The following FAM241A variants were observed in gnomAD, a reference collection of about 807,000 sequenced individuals.
FAM241A encodes the protein uncharacterized protein FAM241A.
FAM241A carries 7 observed loss-of-function variants against 12.2 expected under a neutral mutation model. The ratio of observed to expected loss-of-function variants is 0.58; its 90% confidence interval spans 0.33 to 1.08. The LOEUF is 1.08. Among genes scored for constraint, FAM241A ranks in the 50% least tolerant of loss-of-function variants. The probability of loss-of-function intolerance (pLI) is 0.04; values close to 1 mark genes in which losing one functional copy is unlikely to be tolerated. For missense variants in FAM241A, 161 were observed against 169.7 expected, an observed-to-expected ratio of 0.95 and a Z score of 0.29; for synonymous variants, 74 against 68.2, an observed-to-expected ratio of 1.08 and a Z score of -0.42.
rs1724222386 is a variant in FAM241A at position 112,194,231 on chromosome 4, G to T, written c.*7293G>T. 1 of 148,112 alleles carries T rather than the reference G, an allele frequency of 6.8e-6. No homozygotes were observed. The highest frequency in any genetic ancestry group is 2.5e-5 in the African/African-American group (1 of 40,170). The allele number at this position is 148,112 out of a possible 1,614,324, so 9.2% of individuals were successfully genotyped here. On this transcript the variant is annotated 3_prime_UTR_variant, in exon 2 of 2. Coordinates refer to ENST00000309733, the MANE Select transcript of FAM241A (RefSeq NM_152400.3). ...GAGACTTTGCTGAAGTTGCTTATCA[G>T]CTTAAGGAGATTTTGGGCTGAGACA...
At chr4:112,166,859 A>T (rs1233552632) in intron 1 of FAM241A, among the ~76,000 whole-genome samples, 2 of 151,772 alleles carry the variant, frequency 1.3e-5, no homozygotes, top group East Asian at 3.9e-4. Context: ...TCACGCCTGT[A>T]ATCCCAGCAC....
intron 1 of FAM241A, among the ~76,000 whole-genome samples, chr4:112,174,853 C>T (rs143868261): frequency 2.0e-5 from 3 of 152,316 alleles, no homozygotes; most frequent in Non-Finnish European, 4.4e-5. Context: ...CTGACTGAAA[C>T]CAATTGAACA....
At chr4:112,172,982 G>C (rs1340901197) in intron 1 of FAM241A, among the ~76,000 whole-genome samples, 3 of 152,000 alleles carry the variant, frequency 2.0e-5, no homozygotes, top group Non-Finnish European at 4.4e-5. Context: ...CTGCCTCCTG[G>C]GCTGAAGCTA....
chr4:112,181,928 A>G (rs1285672722), intron 1 of FAM241A, among the ~76,000 whole-genome samples: 2 of 152,228 alleles, frequency 1.3e-5, no homozygotes, highest in Non-Finnish European at 2.9e-5. Context: ...CACTGTGGCT[A>G]CATTGTGGTA....
chr4:112,165,335 A>G (rs1027894293), intron 1 of FAM241A, among the ~76,000 whole-genome samples: 2 of 152,226 alleles, frequency 1.3e-5, no homozygotes, highest in African/African-American at 4.8e-5. Flanking sequence ...CTATGGAGAG[A>G]ACAGTTTGGA....
chr4:112,171,457 T>G, intron 1 of FAM241A: 1 of 779,256 alleles, frequency 1.3e-6, no homozygotes, highest in Non-Finnish European at 2.3e-6. Context: ...AAGAGAATGC[T>G]GGCTATTAAA....
At chr4:112,181,914 GAA>G (rs1238993056) in intron 1 of FAM241A, among the ~76,000 whole-genome samples, 1 of 152,194 alleles carries the variant, frequency 6.6e-6, no homozygotes, top group Non-Finnish European at 1.5e-5. Flanking sequence ...CACTTGGAAA[GAA>G]CCACTGTGGC....
chr4:112,162,703 A>G (rs540384619), intron 1 of FAM241A, among the ~76,000 whole-genome samples: 5 of 152,360 alleles, frequency 3.3e-5, no homozygotes, highest in Admixed American at 2.6e-4. Flanking sequence ...ATGGGTAGGA[A>G]GAATCAATAT....
At chr4:112,160,187 A>G (rs1723433777) in intron 1 of FAM241A, among the ~76,000 whole-genome samples, 1 of 152,172 alleles carries the variant, frequency 6.6e-6, no homozygotes, top group Admixed American at 6.5e-5. Flanking sequence ...TGGACAGATT[A>G]CTTGAGGTCA....
chr4:112,146,134 G>A (rs1723133049), intron 1 of FAM241A, among the ~76,000 whole-genome samples: 1 of 152,152 alleles, frequency 6.6e-6, no homozygotes, highest in South Asian at 2.1e-4. Context: ...TTTAGGAGAC[G>A]CCGGCTCCCC....
intron 1 of FAM241A, among the ~76,000 whole-genome samples, chr4:112,157,280 A>G (rs955647743): frequency 1.3e-5 from 2 of 152,132 alleles, no homozygotes; most frequent in Non-Finnish European, 2.9e-5. Flanking sequence ...TTGAACCTTC[A>G]CTGGAACAGA....
intron 1 of FAM241A, among the ~76,000 whole-genome samples, chr4:112,175,768 A>T (rs916072350): frequency 6.6e-6 from 1 of 152,044 alleles, no homozygotes; most frequent in Non-Finnish European, 1.5e-5. Context: ...ACTATCTCAA[A>T]AAAAAAAAGA....
rs913125294 is a variant in FAM241A at position 112,159,564 on chromosome 4, C to T, written c.153+13831C>T. ...CTAGCAAACCAAATTCAACAATATA[C>T]TAAAAAGGTTATTCATCATGACCAA... On this transcript the variant is annotated intron_variant, in intron 1 of 1. Transcript: ENST00000309733. 2.6e-5 allele frequency among the ~76,000 whole-genome samples: 4 copies of T among 152,174 alleles called. No homozygotes were observed. In the South Asian group the frequency reaches 8.3e-4, roughly 32 times the overall value.
chr4:112,182,535 G>A (rs1316114873), intron 1 of FAM241A, among the ~76,000 whole-genome samples: 2 of 152,026 alleles, frequency 1.3e-5, no homozygotes, highest in Non-Finnish European at 2.9e-5. Context: ...GCACCAGTTG[G>A]TGGAAAGAAG....
In FAM241A at chr4:112,193,380, T is replaced by G. The variant is rs1724204220; in HGVS notation, c.*6442T>G. ...GATCCCATTTGTCAATTTTGTCTTTTGTTGCCATTGCTTTTGGTGTTTTAG... is the reference window on the plus strand; with the variant it reads ...GATCCCATTTGTCAATTTTGTCTTTGGTTGCCATTGCTTTTGGTGTTTTAG... On this transcript the variant is annotated 3_prime_UTR_variant, in exon 2 of 2. Coordinates refer to ENST00000309733, the MANE Select transcript of FAM241A (RefSeq NM_152400.3). 2 of 152,136 alleles carry G rather than the reference T, an allele frequency of 1.3e-5. No individual in the cohort carries two copies. Among genetic ancestry groups the G allele is most frequent in the South Asian group, 4.1e-4 (2 of 4,824 alleles). The allele number at this position is 152,136 out of a possible 1,614,324, so 9.4% of individuals were successfully genotyped here. A position where few individuals can be genotyped will look rare whatever the true frequency, so the allele number is the denominator to read the frequency against.
At chr4:112,149,517 A>G (rs1320914447) in intron 1 of FAM241A, among the ~76,000 whole-genome samples, 1 of 152,176 alleles carries the variant, frequency 6.6e-6, no homozygotes, top group Non-Finnish European at 1.5e-5. Context: ...GTAAATCCTT[A>G]AACTTCTACC....
chr4:112,185,249 G>C (rs143808690), intron 1 of FAM241A, among the ~76,000 whole-genome samples: 13 of 152,172 alleles, frequency 8.5e-5, no homozygotes, highest in African/African-American at 3.1e-4. Context: ...CTGGGGCGGT[G>C]GGGAGGGGGA....
At chr4:112,159,451 A>G (rs571894523) in intron 1 of FAM241A, among the ~76,000 whole-genome samples, 1 of 152,228 alleles carries the variant, frequency 6.6e-6, no homozygotes, top group Non-Finnish European at 1.5e-5. Context: ...CATTTATTAT[A>G]CCAAAGCCAG....
chr4:112,173,066 T>G (rs943366905), intron 1 of FAM241A, among the ~76,000 whole-genome samples: 2 of 152,238 alleles, frequency 1.3e-5, no homozygotes, highest in East Asian at 3.9e-4. Context: ...TTCTGTATTT[T>G]TTTGTAGAGT....
Sources: allele counts gnomAD v4.1 joint callset (sites outside exome capture counted in the v4.1 genomes callset), GRCh38; gene constraint gnomAD v4.1.1; transcripts MANE v1.5; gene names NCBI Gene and HGNC (gene_info 2026-07-23, HGNC 2026-07-21).